The following TRHDE variants were observed in gnomAD, a reference collection of about 807,000 sequenced individuals.
The protein encoded by TRHDE is thyrotropin releasing hormone degrading enzyme, also known as thyrotropin-releasing hormone-degrading ectoenzyme.
Under a neutral mutation model 125.7 loss-of-function variants are expected in TRHDE, and 72 were observed. The ratio of observed to expected loss-of-function variants is 0.57; its 90% CI spans 0.47 to 0.70. The LOEUF (loss-of-function observed/expected upper bound fraction) is 0.70, where lower values mean the gene tolerates loss of function less well. TRHDE is among the 30% of genes least tolerant of loss of function. The pLI is 0.00. For synonymous variants in TRHDE, 509 were observed against 509.1 expected, an observed-to-expected ratio of 1.00 and a Z score of 0.00; for missense variants, 1,110 against 1,327.1, an observed-to-expected ratio of 0.84 and a Z score of 2.54.
At chr12:72,607,974 C>G (rs758389637) in intron 12 of TRHDE, among the ~76,000 whole-genome samples, 10 of 152,070 alleles carry the variant, frequency 6.6e-5, no homozygotes. Flanking sequence ...AATTATTAAA[C>G]TTTGCATCAG....
intron 9 of TRHDE, 68 bp from the exon 10 acceptor site, chr12:72,568,500 G>A: frequency 8.7e-7 from 1 of 1,151,734 alleles, no homozygotes; most frequent in Non-Finnish European, 1.3e-6. Flanking sequence ...AAGGCGCATG[G>A]GAAATGTTTT....
In TRHDE at chr12:72,562,878, T is replaced by A; in HGVS notation, c.1880T>A (p.Val627Glu). The A allele has an allele frequency of 6.3e-7, 1 of 1,583,266 alleles. No individual in the cohort carries two copies. Among genetic ancestry groups the A allele is most frequent in the Non-Finnish European group, 8.5e-7 (1 of 1,170,398 alleles). The change falls in exon 9 of 19, where the codon GTA (valine) becomes GAA (glutamate). Residue 627 changes from valine to glutamate, a missense_variant. By Grantham distance (121) the Val-to-Glu change is moderately radical. Coordinates refer to ENST00000261180, the MANE Select transcript of TRHDE (RefSeq NM_013381.3). ...GCTTTAAAAAGAAATGGGAAATATG[T>A]AAATATACAAGAAGTAATGGATCAG... ...SEALKRNGKYVNIQEVMDQWT... is the reference protein window; with the variant it reads ...SEALKRNGKYENIQEVMDQWT...
chr12:72,629,278 G>T (rs1271708590), intron 15 of TRHDE, among the ~76,000 whole-genome samples: 1 of 151,800 alleles, frequency 6.6e-6, no homozygotes, highest in East Asian at 1.9e-4. Flanking sequence ...GAGGCACATA[G>T]TCAATAGTTA....
At chr12:72,581,112 C>CAA (rs1871205238) in intron 12 of TRHDE, among the ~76,000 whole-genome samples, 1 of 152,106 alleles carries the variant, frequency 6.6e-6, no homozygotes, top group Admixed American at 6.5e-5. Flanking sequence ...GCAGCAATGC[C>CAA]TCATGGCACA....
intron 1 of TRHDE, among the ~76,000 whole-genome samples, chr12:72,097,871 C>T (rs1874970553): frequency 6.6e-6 from 1 of 151,944 alleles, no homozygotes; most frequent in Non-Finnish European, 1.5e-5. Flanking sequence ...GGTTTTAGGC[C>T]TGTTACCAAA....
In TRHDE at chr12:72,394,839, C is replaced by T. The variant is rs374585407; in HGVS notation, c.1315+16718C>T. ...GACTGGATGTAGGTGACGTATGCCT[C>T]CTGCTTCCTCATCTTGGTTGAATTA... is the stretch of plus-strand genomic sequence containing the variant. On this transcript the variant is annotated intron_variant, in intron 3 of 18. Transcript: ENST00000261180. Among the ~76,000 whole-genome samples, 7 of 152,248 alleles carry T rather than the reference C, an allele frequency of 4.6e-5. No homozygotes were observed. In the South Asian group the frequency reaches 1.2e-3, roughly 27 times the overall value.
At chr12:72,524,266 T>G (rs868250490) in intron 6 of TRHDE, among the ~76,000 whole-genome samples, 4 of 152,174 alleles carry the variant, frequency 2.6e-5, no homozygotes, top group African/African-American at 9.6e-5. Flanking sequence ...AGAGAAAACC[T>G]TACTCAAGCA....
At chr12:72,520,934 C>T (rs535227461) in intron 6 of TRHDE, among the ~76,000 whole-genome samples, 10 of 152,190 alleles carry the variant, frequency 6.6e-5, no homozygotes, top group African/African-American at 2.2e-4. Flanking sequence ...TAGCTATGTT[C>T]CCAGAGTTTT....
At chr12:72,399,689 C>T (rs1382239967) in intron 3 of TRHDE, among the ~76,000 whole-genome samples, 1 of 151,946 alleles carries the variant, frequency 6.6e-6, no homozygotes, top group Non-Finnish European at 1.5e-5. Flanking sequence ...AAATAACTTT[C>T]TTTCACTGGA....
intron 12 of TRHDE, among the ~76,000 whole-genome samples, chr12:72,594,736 A>C (rs7979932): frequency 0.27 from 40,243 of 151,678 alleles, 8,109 homozygotes; most frequent in African/African-American, 0.54. Context: ...ACTAGAAATA[A>C]CATTTGACCC....
chr12:72,579,106 G>A, intron 12 of TRHDE, among the ~76,000 whole-genome samples: 1 of 151,512 alleles, frequency 6.6e-6, no homozygotes, highest in Non-Finnish European at 1.5e-5. Flanking sequence ...GAGTGTCCAT[G>A]AGGAGTCTTT....
At chr12:72,378,688 G>A (rs371220162) in intron 3 of TRHDE, among the ~76,000 whole-genome samples, 95 of 152,196 alleles carry the variant, frequency 6.2e-4, no homozygotes, top group African/African-American at 2.2e-3. Flanking sequence ...CATATATCTA[G>A]TACACTATTA....
intron 6 of TRHDE, among the ~76,000 whole-genome samples, chr12:72,512,427 A>G (rs1489523032): frequency 9.3e-6 from 1 of 107,242 alleles, no homozygotes; most frequent in Non-Finnish European, 1.7e-5. Context: ...TATAATATAT[A>G]TTATATAATA....
intron 2 of TRHDE, among the ~76,000 whole-genome samples, chr12:72,238,319 T>TACAC (rs1323668835): frequency 3.5e-5 from 1 of 28,694 alleles, no homozygotes; most frequent in African/African-American, 1.2e-4. Flanking sequence ...TATATATATA[T>TACAC]ATACATATAT....
intron 2 of TRHDE, among the ~76,000 whole-genome samples, chr12:72,192,154 AG>A (rs1166090172): frequency 6.6e-6 from 1 of 152,106 alleles, no homozygotes; most frequent in Non-Finnish European, 1.5e-5. Context: ...GTAATATTAG[AG>A]GAGATTAGTT....
intron 7 of TRHDE, among the ~76,000 whole-genome samples, chr12:72,558,373 G>T (rs927884429): frequency 1.3e-5 from 2 of 152,162 alleles, no homozygotes; most frequent in African/African-American, 4.8e-5. Flanking sequence ...GTAGAGAATT[G>T]CATGTGCAGA....
chr12:72,168,085 A>G (rs1183485252), intron 2 of TRHDE, among the ~76,000 whole-genome samples: 2 of 152,208 alleles, frequency 1.3e-5, no homozygotes, highest in African/African-American at 4.8e-5. Flanking sequence ...AATGTCTCCT[A>G]TAACTGCCAG....
At chr12:72,472,309 C>T (rs989144400) in intron 4 of TRHDE, among the ~76,000 whole-genome samples, 1 of 151,956 alleles carries the variant, frequency 6.6e-6, no homozygotes, top group African/African-American at 2.4e-5. Flanking sequence ...GTATTTTTTG[C>T]TTTTTAATAA....
chr12:72,349,916 C>G (rs1469979561), intron 2 of TRHDE, among the ~76,000 whole-genome samples: 1 of 151,900 alleles, frequency 6.6e-6, no homozygotes, highest in African/African-American at 2.4e-5. Flanking sequence ...AATTACAAAC[C>G]AGAATATGCT....
Sources: gnomAD v4.1 joint callset for allele counts (sites outside exome capture counted in the v4.1 genomes callset) on GRCh38, gnomAD v4.1.1 for gene constraint, MANE v1.5 for transcripts, NCBI Gene and HGNC (gene_info 2026-07-23, HGNC 2026-07-21) for gene names.